EEPD1: variants seen among roughly 807,000 people sequenced by gnomAD.
The protein encoded by EEPD1 is endonuclease/exonuclease/phosphatase family domain-containing protein 1.
A neutral mutation model predicts 46.3 loss-of-function variants in EEPD1; 17 were observed. The ratio of observed to expected loss-of-function variants is 0.37; its 90% CI spans 0.25 to 0.55. The LOEUF (loss-of-function observed/expected upper bound fraction) is 0.55, where lower values mean the gene tolerates loss of function less well. Ranked by LOEUF, EEPD1 falls within the 20% of genes least tolerant of loss-of-function variation. The pLI, the probability that EEPD1 is intolerant of heterozygous loss-of-function variation, is 0.83. For synonymous variants in EEPD1, 313 were observed against 315.6 expected (o/e 0.99, Z 0.09); for missense variants, 673 against 745.6 (o/e 0.90, Z 1.13).
Position 36,239,616 on chromosome 7 carries a change from G to A in EEPD1, c.930+580G>A, listed in dbSNP as rs1348034946. ...ACTGCCTCTCTGCCCCCAAACCAAC[G>A]TTTCACTGTGCCCTGGAAGAGATCC... On this transcript the variant is annotated intron_variant, in intron 3 of 7. Transcript: ENST00000242108. Among the ~76,000 whole-genome samples the A allele has an allele frequency of 5.9e-5, 9 of 152,036 alleles. No individual in the cohort carries two copies. In the East Asian group the frequency reaches 1.3e-3, roughly 23 times the overall value.
intron 3 of EEPD1, among the ~76,000 whole-genome samples, chr7:36,245,349 C>T (rs1027765251): frequency 6.6e-6 from 1 of 152,186 alleles, no homozygotes; most frequent in Non-Finnish European, 1.5e-5. Context: ...GTGGTCCTTA[C>T]TGTGTTTGGG....
At chr7:36,192,923 C>T (rs1027937707) in intron 2 of EEPD1, among the ~76,000 whole-genome samples, 9 of 152,200 alleles carry the variant, frequency 5.9e-5, no homozygotes, top group African/African-American at 2.2e-4. Context: ...ATCTCCGGAC[C>T]AGGTGGAAGG....
intron 3 of EEPD1, among the ~76,000 whole-genome samples, chr7:36,264,631 C>T (rs1033446427): frequency 1.3e-5 from 2 of 152,188 alleles, no homozygotes; most frequent in Non-Finnish European, 2.9e-5. Flanking sequence ...TAACCTGTCT[C>T]TCCTTCTCTG....
intron 3 of EEPD1, among the ~76,000 whole-genome samples, chr7:36,276,721 G>A (rs998969790): frequency 1.3e-5 from 2 of 152,212 alleles, no homozygotes; most frequent in African/African-American, 4.8e-5. Context: ...AGAATTGCTT[G>A]GGGGAACTTG....
intron 3 of EEPD1, among the ~76,000 whole-genome samples, chr7:36,260,949 A>G (rs977244771): frequency 5.3e-5 from 8 of 152,260 alleles, no homozygotes; most frequent in African/African-American, 1.7e-4. Context: ...ATTAGGTATT[A>G]TAAGTAATCA....
intron 3 of EEPD1, among the ~76,000 whole-genome samples, chr7:36,252,594 C>T (rs1263785101): frequency 1.3e-5 from 2 of 150,664 alleles, no homozygotes; most frequent in East Asian, 3.9e-4. Flanking sequence ...GAATAACCTT[C>T]CCTCAAATAA....
At chr7:36,293,609 G>C (rs1178721986) in intron 6 of EEPD1, among the ~76,000 whole-genome samples, 1 of 152,032 alleles carries the variant, frequency 6.6e-6, no homozygotes, top group Non-Finnish European at 1.5e-5. Flanking sequence ...CTCTACTTTT[G>C]GGGCTTCCTA....
At position 36,154,964 on chromosome 7, in the gene EEPD1, A is replaced by T; in HGVS notation, c.640A>T (p.Thr214Ser). 1 of 1,613,672 alleles carries T rather than the reference A, an allele frequency of 6.2e-7. No homozygotes were observed. The highest frequency in any genetic ancestry group is 8.5e-7 in the Non-Finnish European group (1 of 1,179,928). Residue 214 changes from threonine to serine, a missense_variant, in exon 2 of 8, where the codon ACC (threonine) becomes TCC (serine). Coordinates refer to ENST00000242108, the MANE Select transcript of EEPD1 (RefSeq NM_030636.3). This position sits in a 1 kb window ranked among gnomAD's most constrained non-coding sequence, Gnocchi z 4.2. ...CCACACGAACGGGGGACTGACCTTC[A>T]CCGCCAAGCCTCACCCGAGCCCCAC... Reference protein sequence around the residue: ...STHTNGGLTFTAKPHPSPTSL... With the variant: ...STHTNGGLTFSAKPHPSPTSL...
At chr7:36,282,777 C>T (rs1307892065) in intron 4 of EEPD1, among the ~76,000 whole-genome samples, 1 of 152,252 alleles carries the variant, frequency 6.6e-6, no homozygotes, top group African/African-American at 2.4e-5. Context: ...TCATGCCTGG[C>T]TCTGGCTGCT....
intron 2 of EEPD1, among the ~76,000 whole-genome samples, chr7:36,196,000 T>C (rs2726103): frequency 0.78 from 118,207 of 152,092 alleles, 46,351 homozygotes; most frequent in East Asian, 0.88. Flanking sequence ...AGACTATATA[T>C]GGTATGGCCT....
At chr7:36,295,690 G>A (rs1020240854) in intron 6 of EEPD1, among the ~76,000 whole-genome samples, 2 of 152,166 alleles carry the variant, frequency 1.3e-5, no homozygotes, top group Admixed American at 6.5e-5. Context: ...TTTATCCAGA[G>A]CCTTAACAAT....
intron 6 of EEPD1, among the ~76,000 whole-genome samples, chr7:36,292,368 T>C (rs1300958951): frequency 2.3e-5 from 3 of 130,462 alleles, no homozygotes; most frequent in Non-Finnish European, 5.5e-5. Context: ...TCTTTTCTTT[T>C]CTTTTGTTTT....
At chr7:36,177,410 C>G (rs900344235) in intron 2 of EEPD1, among the ~76,000 whole-genome samples, 3 of 151,992 alleles carry the variant, frequency 2.0e-5, no homozygotes, top group African/African-American at 7.3e-5. Flanking sequence ...TTTTTTCAAC[C>G]CTTTCCCCAC....
rs75842942 is a variant in EEPD1 at position 36,249,436 on chromosome 7, C to T, written c.930+10400C>T. 4.5e-4 allele frequency among the ~76,000 whole-genome samples: 68 copies of T among 151,786 alleles called. 1 individual carries two copies. In the Middle Eastern group the frequency reaches 0.01, roughly 23 times the overall value. Reference sequence around the variant, plus strand: ...TGGGACTGTATCTTAAGGAAATGATCGATAAAAATGGAGAAATAATAAACA... The same window carrying T: ...TGGGACTGTATCTTAAGGAAATGATTGATAAAAATGGAGAAATAATAAACA... On this transcript the variant is annotated intron_variant, in intron 3 of 7. Coordinates refer to ENST00000242108, the MANE Select transcript of EEPD1 (RefSeq NM_030636.3).
In EEPD1 at chr7:36,287,760, T is replaced by C; in HGVS notation, c.1298T>C (p.Leu433Pro). ...GHRLASFAQT[L>P]QETLKGEKDV... ...CGGTTGGCGAGCTTTGCACAGACCC[T>C]ACAGGAAACCCTGAAAGGTAGGACA... Residue 433 changes from leucine to proline, a missense_variant, in exon 6 of 8, where the codon CTA (leucine) becomes CCA (proline). Transcript: ENST00000242108. The C allele has an allele frequency of 6.2e-7, 1 of 1,613,958 alleles. No homozygotes were observed. The highest frequency in any genetic ancestry group is 1.1e-5 in the South Asian group (1 of 91,068).
chr7:36,249,358 G>A (rs948250272), intron 3 of EEPD1, among the ~76,000 whole-genome samples: 3 of 152,300 alleles, frequency 2.0e-5, no homozygotes, highest in East Asian at 1.9e-4. Context: ...CTTGGGCAGA[G>A]CATTTCATTA....
chr7:36,228,202 T>G (rs962582033), intron 2 of EEPD1, among the ~76,000 whole-genome samples: 1 of 152,168 alleles, frequency 6.6e-6, no homozygotes, highest in South Asian at 2.1e-4. Flanking sequence ...AATCTGACTT[T>G]CATGAAATTC....
intron 2 of EEPD1, among the ~76,000 whole-genome samples, chr7:36,230,212 A>G: frequency 6.6e-6 from 1 of 151,548 alleles, no homozygotes; most frequent in East Asian, 2.0e-4. Flanking sequence ...GGCCACCTTC[A>G]TCTCTTACCT....
intron 2 of EEPD1, among the ~76,000 whole-genome samples, chr7:36,221,180 T>A (rs544621787): frequency 2.0e-5 from 3 of 152,372 alleles, no homozygotes; most frequent in Admixed American, 2.0e-4. Flanking sequence ...CATCCTTCAG[T>A]TTAAAATAAC....
Sources: allele counts gnomAD v4.1 joint callset (sites outside exome capture counted in the v4.1 genomes callset), GRCh38; gene constraint gnomAD v4.1.1; non-coding constraint Gnocchi (gnomAD v3.1); transcripts MANE v1.5; gene names NCBI Gene and HGNC (gene_info 2026-07-23, HGNC 2026-07-21).